Variants in RASSF3 observed in about 807,000 individuals in gnomAD.
RASSF3 encodes the protein Ras association domain family member 3, also known as ras association domain-containing protein 3.
RASSF3 carries 19 observed loss-of-function variants against 19.9 expected under a neutral mutation model. The ratio of observed to expected loss-of-function variants is 0.96; its 90% CI spans 0.67 to 1.40. The LOEUF (loss-of-function observed/expected upper bound fraction) is 1.40. RASSF3 is among the 40% of genes most tolerant of loss of function. RASSF3 has a pLI of 0.00. For synonymous variants in RASSF3, 110 were observed against 104.2 expected, an observed-to-expected ratio of 1.06 and a Z score of -0.34; for missense variants, 306 against 289.8, an observed-to-expected ratio of 1.06 and a Z score of -0.41.
chr12:64,661,990 TAAAAA>T (rs58872891), intron 1 of RASSF3, among the ~76,000 whole-genome samples: 1 of 144,248 alleles, frequency 6.9e-6, no homozygotes, highest in African/African-American at 2.6e-5. Context: ...CCCCATCTCT[TAAAAA>T]AAAAAAAAAA....
At chr12:64,600,852 C>T (rs1167867090) in intron 2 of RASSF3, among the ~76,000 whole-genome samples, 4 of 152,070 alleles carry the variant, frequency 2.6e-5, no homozygotes, top group African/African-American at 4.8e-5. Context: ...TTTTCTGATT[C>T]GATTACTATG....
intron 2 of RASSF3, among the ~76,000 whole-genome samples, chr12:64,565,682 C>T (rs1869417574): frequency 6.6e-6 from 1 of 152,072 alleles, no homozygotes; most frequent in Non-Finnish European, 1.5e-5. Context: ...CATTGCACTC[C>T]AGCCTGGGGG....
At chr12:64,640,737 G>GCCCAAGTGATCCTCCCAC (rs1871486889) in intron 1 of RASSF3, among the ~76,000 whole-genome samples, 1 of 151,742 alleles carries the variant, frequency 6.6e-6, no homozygotes, top group Non-Finnish European at 1.5e-5. Context: ...CAACCTCCCG[G>GCCCAAGTGATCCTCCCAC]GCCCAAGTGA....
chr12:64,569,834 G>T (rs1009462688), intron 2 of RASSF3, among the ~76,000 whole-genome samples: 1 of 152,100 alleles, frequency 6.6e-6, no homozygotes, highest in Non-Finnish European at 1.5e-5. Flanking sequence ...GCATGGTGGC[G>T]CATGCCTGTA....
intron 2 of RASSF3, among the ~76,000 whole-genome samples, chr12:64,572,598 A>G (rs1457934901): frequency 6.6e-6 from 1 of 152,152 alleles, no homozygotes; most frequent in African/African-American, 2.4e-5. Context: ...TCTGCACATC[A>G]CTGAACCCCA....
chr12:64,523,236 T>C (rs1868515155), intron 1 of RASSF3, among the ~76,000 whole-genome samples: 2 of 151,672 alleles, frequency 1.3e-5, no homozygotes, highest in Non-Finnish European at 2.9e-5. Flanking sequence ...CGAAACCCCA[T>C]CTCTATGAAA....
intron 1 of RASSF3, among the ~76,000 whole-genome samples, chr12:64,650,248 G>A (rs1477950299): frequency 6.6e-6 from 1 of 152,048 alleles, no homozygotes; most frequent in African/African-American, 2.4e-5. Flanking sequence ...AAACAAATTC[G>A]ATTATCTCCA....
At chr12:64,623,768 G>A (rs755151544) in intron 1 of RASSF3, among the ~76,000 whole-genome samples, 4 of 151,006 alleles carry the variant, frequency 2.6e-5, no homozygotes, top group Middle Eastern at 3.2e-3. Flanking sequence ...TCAGCTTCCC[G>A]AGTAGCTGGG....
chr12:64,549,622 G>C (rs1421846478), intron 2 of RASSF3, among the ~76,000 whole-genome samples: 1 of 152,150 alleles, frequency 6.6e-6, no homozygotes, highest in Non-Finnish European at 1.5e-5. Flanking sequence ...TCTGATGAAA[G>C]CACCTGTAGC....
intron 2 of RASSF3, among the ~76,000 whole-genome samples, chr12:64,560,208 G>A (rs1266963722): frequency 1.3e-5 from 2 of 152,210 alleles, no homozygotes; most frequent in Non-Finnish European, 1.5e-5. Flanking sequence ...CCTCCAAACA[G>A]GGCCCTGACC....
chr12:64,520,547 C>A (rs1868451818), intron 1 of RASSF3, among the ~76,000 whole-genome samples: 1 of 74,964 alleles, frequency 1.3e-5, no homozygotes, highest in Non-Finnish European at 2.6e-5. Context: ...CAGATACACA[C>A]ATACACACAT....
At chr12:64,559,370 A>G (rs1211343417) in intron 2 of RASSF3, among the ~76,000 whole-genome samples, 2 of 151,052 alleles carry the variant, frequency 1.3e-5, no homozygotes, top group African/African-American at 4.9e-5. Context: ...CAGCCTCCCA[A>G]GTAGCTGGGA....
chr12:64,509,111 A>C (rs1868311426), intron 1 of RASSF3, among the ~76,000 whole-genome samples: 1 of 152,172 alleles, frequency 6.6e-6, no homozygotes, highest in Non-Finnish European at 1.5e-5. Context: ...TAGAGCCCCA[A>C]AAGAACTTAA....
At chr12:64,586,273 G>C (rs374517163) in intron 2 of RASSF3, among the ~76,000 whole-genome samples, 2 of 150,586 alleles carry the variant, frequency 1.3e-5, no homozygotes, top group East Asian at 4.0e-4. Context: ...GCAGTGAGCC[G>C]AGATTGCACC....
chr12:64,676,467 CTTTTTTTT>C lies in RASSF3; in HGVS notation c.112-8303_112-8296del, dbSNP rs34917109. Among the ~76,000 whole-genome samples, 363 of 69,804 alleles carry C rather than the reference CTTTTTTTT, an allele frequency of 5.2e-3. 5 individuals are homozygous for C. Among genetic ancestry groups the C allele is most frequent in the African/African-American group, 0.021 (347 of 16,576 alleles). The allele number at this position is 69,804 out of a possible 152,430, so 45.8% of individuals were successfully genotyped here. Reference sequence around the variant, plus strand: ...TACAGGTGTGAGCCACTGTGCCCAGCTTTTTTTTTTTTTTTTTTTTTTTTGATGGAATC... The same window carrying C: ...TACAGGTGTGAGCCACTGTGCCCAGCTTTTTTTTTTTTTTTTGATGGAATC... On this transcript the variant is annotated intron_variant, in intron 1 of 4. Coordinates refer to ENST00000542104, the MANE Select transcript of RASSF3 (RefSeq NM_178169.4).
intron 1 of RASSF3, among the ~76,000 whole-genome samples, chr12:64,639,797 A>T (rs1469359845): frequency 2.0e-5 from 3 of 152,100 alleles, no homozygotes; most frequent in Non-Finnish European, 4.4e-5. Context: ...CTCTAAAACA[A>T]TTTTCCTATT....
intron 2 of RASSF3, among the ~76,000 whole-genome samples, chr12:64,549,655 C>T (rs959799288): frequency 6.6e-6 from 1 of 152,166 alleles, no homozygotes; most frequent in African/African-American, 2.4e-5. Flanking sequence ...AAGCTCCCCT[C>T]CTGTGGGGGG....
At chr12:64,523,561 G>A (rs1010834664) in intron 1 of RASSF3, among the ~76,000 whole-genome samples, 2 of 152,116 alleles carry the variant, frequency 1.3e-5, no homozygotes, top group Non-Finnish European at 2.9e-5. Context: ...ACCAGCTCCC[G>A]AATTTGCATA....
intron 1 of RASSF3, among the ~76,000 whole-genome samples, chr12:64,663,526 AT>A (rs112394432): frequency 0.31 from 46,122 of 147,034 alleles, 7,130 homozygotes; most frequent in Non-Finnish European, 0.36. Flanking sequence ...TGTTATTGTT[AT>A]TTTTTTTTTT....
Sources: gnomAD v4.1 joint callset for allele counts (sites outside exome capture counted in the v4.1 genomes callset) on GRCh38, gnomAD v4.1.1 for gene constraint, MANE v1.5 for transcripts, NCBI Gene and HGNC (gene_info 2026-07-23, HGNC 2026-07-21) for gene names.